FGD4: variants seen among roughly 807,000 people sequenced by gnomAD.
FGD4 encodes FYVE, RhoGEF and PH domain containing 4, also known as FYVE, RhoGEF and PH domain-containing protein 4.
In FGD4, 42 loss-of-function variants were observed where a neutral mutation model predicts 102.0. That is an observed-to-expected ratio of 0.41 (90% CI 0.32 to 0.53). FGD4 has a LOEUF of 0.53. Among genes scored for constraint, FGD4 ranks in the 20% least tolerant of loss-of-function variants. The pLI is 0.21. For missense variants in FGD4, 902 were observed against 1,078.2 expected (o/e 0.84, Z 2.29); for synonymous variants, 380 against 375.7 (o/e 1.01, Z -0.13).
intron 1 of FGD4, chr12:32,534,467 C>T: frequency 6.6e-7 from 1 of 1,522,746 alleles, no homozygotes. Context: ...GATTAATTAT[C>T]AGTATATGTG....
At chr12:32,579,204 C>T (rs761500325) in intron 3 of FGD4, among the ~76,000 whole-genome samples, 45 of 151,974 alleles carry the variant, frequency 3.0e-4, no homozygotes, top group African/African-American at 9.7e-4. Context: ...TGCACCACCA[C>T]GCCTGGCTAA....
intron 1 of FGD4, among the ~76,000 whole-genome samples, chr12:32,423,579 G>A (rs1429646145): frequency 1.8e-4 from 24 of 133,348 alleles, no homozygotes; most frequent in African/African-American, 5.3e-4. Context: ...GCAACAGAGT[G>A]AGACTTCATC....
At chr12:32,556,957 A>G (rs1257439086) in intron 1 of FGD4, 3 of 152,222 alleles carry the variant, frequency 2.0e-5, no homozygotes, top group African/African-American at 7.2e-5. Flanking sequence ...GATTCAAGCA[A>G]TTCTCCCACC....
chr12:32,411,537 A>G (rs74565201), intron 1 of FGD4, among the ~76,000 whole-genome samples: 10,271 of 152,020 alleles, frequency 0.068, 1,132 homozygotes, highest in African/African-American at 0.23. Context: ...CCGTCTCACA[A>G]CAGCAACAAC....
chr12:32,617,779 G>C (rs1210792061), intron 10 of FGD4, among the ~76,000 whole-genome samples: 3 of 152,202 alleles, frequency 2.0e-5, no homozygotes, highest in Non-Finnish European at 2.9e-5. Flanking sequence ...TTTTGCTACA[G>C]GAACAAGGTT....
intron 4 of FGD4, among the ~76,000 whole-genome samples, chr12:32,596,383 C>T (rs1484776957): frequency 2.0e-5 from 3 of 152,110 alleles, no homozygotes; most frequent in Non-Finnish European, 4.4e-5. Flanking sequence ...TAACCAGGGA[C>T]ACGTTTGGAT....
At chr12:32,563,886 A>G (rs981353446) in intron 1 of FGD4, among the ~76,000 whole-genome samples, 1 of 152,118 alleles carries the variant, frequency 6.6e-6, no homozygotes, top group African/African-American at 2.4e-5. Context: ...ATGTAATCGC[A>G]GGCACTCGGC....
At chr12:32,420,129 A>G (rs1385288187) in intron 1 of FGD4, among the ~76,000 whole-genome samples, 1 of 152,166 alleles carries the variant, frequency 6.6e-6, no homozygotes, top group Non-Finnish European at 1.5e-5. Context: ...GGGGTGACAA[A>G]CAGTGTAGGC....
Position 32,585,533 on chromosome 12 carries a change from C to T in FGD4, c.1011+3066C>T, listed in dbSNP as rs184432510. Among the ~76,000 whole-genome samples, 6 of 151,634 alleles carry T rather than the reference C, an allele frequency of 4.0e-5. No homozygotes were observed. The East Asian group carries it at 1.2e-3, about 30-fold the overall frequency. On this transcript the variant is annotated intron_variant, in intron 4 of 16. Coordinates refer to ENST00000534526, the MANE Select transcript of FGD4 (RefSeq NM_001370298.3). ...TTGACATAATATGATACAGTAAGTG[C>T]TTTGGAAATACAGATGACTGGGCCA...
chr12:32,428,586 G>A (rs572588281), intron 1 of FGD4, among the ~76,000 whole-genome samples: 41 of 152,122 alleles, frequency 2.7e-4, no homozygotes, highest in Non-Finnish European at 4.4e-4. Context: ...TGTTCTCTGT[G>A]TTTCCTGAAT....
intron 1 of FGD4, among the ~76,000 whole-genome samples, chr12:32,533,969 G>T (rs771090521): frequency 6.6e-6 from 1 of 152,204 alleles, no homozygotes; most frequent in Non-Finnish European, 1.5e-5. Context: ...TTCAAAATGA[G>T]ATTTTAACAT....
intron 8 of FGD4, among the ~76,000 whole-genome samples, chr12:32,608,972 A>G (rs969294285): frequency 1.3e-5 from 2 of 152,206 alleles, no homozygotes; most frequent in African/African-American, 4.8e-5. Context: ...GCTGGAGTGC[A>G]GTGGCGCGAT....
intron 1 of FGD4, among the ~76,000 whole-genome samples, chr12:32,460,309 C>T (rs946412392): frequency 2.0e-5 from 3 of 151,900 alleles, no homozygotes; most frequent in African/African-American, 4.8e-5. Context: ...CCCAGGAGTT[C>T]GAGACCAGCC....
chr12:32,429,672 T>TA (rs1218230253), intron 1 of FGD4, among the ~76,000 whole-genome samples: 2 of 152,246 alleles, frequency 1.3e-5, no homozygotes, highest in African/African-American at 4.8e-5. Context: ...GATGGGAGTT[T>TA]AAACCCCTGA....
chr12:32,408,225 A>G (rs1435141293), intron 1 of FGD4, among the ~76,000 whole-genome samples: 2 of 148,174 alleles, frequency 1.3e-5, no homozygotes, highest in African/African-American at 2.5e-5. Context: ...CTGTAGTGCA[A>G]TGGTGCAATC....
rs1245138858 is a variant in FGD4 at position 32,506,926 on chromosome 12, T to C, written c.167-57211T>C. Reference sequence around the variant, plus strand: ...GAGTTGAGGGTGGCAAACTTTATTTTTATTTATTTTTTATTATTATACTTT... The same window carrying C: ...GAGTTGAGGGTGGCAAACTTTATTTCTATTTATTTTTTATTATTATACTTT... On this transcript the variant is annotated intron_variant, in intron 1 of 16. Coordinates refer to ENST00000534526, the MANE Select transcript of FGD4 (RefSeq NM_001370298.3). The surrounding 1 kb of genome is among the most constrained non-coding windows in gnomAD (Gnocchi z 4.5). Among the ~76,000 whole-genome samples, 1 of 152,120 alleles carries C rather than the reference T, an allele frequency of 6.6e-6. No homozygotes were observed. Among genetic ancestry groups the C allele is most frequent in the Non-Finnish European group, 1.5e-5 (1 of 68,024 alleles).
rs117039880 is a variant in FGD4 at position 32,424,577 on chromosome 12, T to C, written c.166+24618T>C. The stretch of plus-strand genomic sequence containing the variant: ...GTGGAATGATTTATAATCCTTTGGG[T>C]ATATGCCCGATAATGGGATTGCTGG... On this transcript the variant is annotated intron_variant, in intron 1 of 16. Coordinates refer to ENST00000534526, the MANE Select transcript of FGD4 (RefSeq NM_001370298.3). Among the ~76,000 whole-genome samples, 763 of 152,314 alleles carry C rather than the reference T, an allele frequency of 5.0e-3. 3 individuals are homozygous for C. Among genetic ancestry groups the C allele is most frequent in the Middle Eastern group, 0.014 (4 of 294 alleles).
intron 3 of FGD4, among the ~76,000 whole-genome samples, chr12:32,578,358 C>T (rs1393094307): frequency 6.6e-6 from 1 of 152,164 alleles, no homozygotes; most frequent in Non-Finnish European, 1.5e-5. Flanking sequence ...TTTGTATTTA[C>T]TGTTGAGTGA....
intron 1 of FGD4, among the ~76,000 whole-genome samples, chr12:32,453,555 T>C (rs1284515489): frequency 6.6e-6 from 1 of 151,922 alleles, no homozygotes; most frequent in Non-Finnish European, 1.5e-5. Flanking sequence ...AATTTATCAT[T>C]AGTCCTGGAT....
Sources: allele counts gnomAD v4.1 joint callset (sites outside exome capture counted in the v4.1 genomes callset), GRCh38; gene constraint gnomAD v4.1.1; non-coding constraint Gnocchi (gnomAD v3.1); transcripts MANE v1.5; gene names NCBI Gene and HGNC (gene_info 2026-07-23, HGNC 2026-07-21).